The following EEPD1 variants were observed in gnomAD, a reference collection of about 807,000 sequenced individuals.
EEPD1 encodes the protein endonuclease/exonuclease/phosphatase family domain containing 1.
A neutral mutation model predicts 46.3 loss-of-function variants in EEPD1; 17 were observed. The observed-to-expected ratio is 0.37, with a 90% CI of 0.25 to 0.55. EEPD1 has a LOEUF of 0.55. Ranked by LOEUF, EEPD1 falls within the 20% of genes least tolerant of loss-of-function variation. The probability of loss-of-function intolerance (pLI) is 0.83; values close to 1 mark genes in which losing one functional copy is unlikely to be tolerated. For missense variants in EEPD1, 673 were observed against 745.6 expected, an observed-to-expected ratio of 0.90 and a Z score of 1.13; for synonymous variants, 313 against 315.6, an observed-to-expected ratio of 0.99 and a Z score of 0.09.
At chr7:36,237,293 G>GA (rs1177788084) in intron 2 of EEPD1, among the ~76,000 whole-genome samples, 1 of 152,202 alleles carries the variant, frequency 6.6e-6, no homozygotes, top group African/African-American at 2.4e-5. Flanking sequence ...CTTCATTCTT[G>GA]AAGTCAGCAA....
At chr7:36,175,796 G>A (rs1785166624) in intron 2 of EEPD1, among the ~76,000 whole-genome samples, 1 of 152,120 alleles carries the variant, frequency 6.6e-6, no homozygotes, top group African/African-American at 2.4e-5. Context: ...AAAGGTACAA[G>A]GAGCGGTGCC....
At chr7:36,183,958 G>T (rs1345802943) in intron 2 of EEPD1, among the ~76,000 whole-genome samples, 1 of 150,524 alleles carries the variant, frequency 6.6e-6, no homozygotes, top group Non-Finnish European at 1.5e-5. Flanking sequence ...TTTGTGGAAT[G>T]AATCTCAATA....
intron 3 of EEPD1, among the ~76,000 whole-genome samples, chr7:36,249,896 G>T (rs960487930): frequency 1.3e-5 from 2 of 152,096 alleles, no homozygotes; most frequent in Non-Finnish European, 2.9e-5. Context: ...CAAGAGGGAG[G>T]TCCTCACCTA....
chr7:36,272,143 G>A (rs989206239), intron 3 of EEPD1, among the ~76,000 whole-genome samples: 8 of 151,722 alleles, frequency 5.3e-5, no homozygotes, highest in Non-Finnish European at 7.4e-5. Context: ...TCAGCCTCCC[G>A]AAGTGCTAGG....
chr7:36,241,469 T>A (rs546935024), intron 3 of EEPD1, among the ~76,000 whole-genome samples: 2 of 151,320 alleles, frequency 1.3e-5, no homozygotes, highest in South Asian at 4.2e-4. Context: ...CGAGACTCTG[T>A]CTCAAAATAA....
chr7:36,207,920 C>T lies in EEPD1; in HGVS notation c.879-31065C>T, dbSNP rs1455088032. ...TTTTTTTTTTTTTTTTTAACCTAGA[C>T]AGGGAGCCAGTCTCTTGCCTTTGTT... On this transcript the variant is annotated intron_variant, in intron 2 of 7. Transcript: ENST00000242108. 3.0e-5 allele frequency among the ~76,000 whole-genome samples: 4 copies of T among 135,564 alleles called. No homozygotes were observed. In the East Asian group the frequency reaches 9.1e-4, roughly 31 times the overall value. 88.9% of individuals were successfully genotyped at this position (135,564 alleles called of 152,430 possible). A position where few individuals can be genotyped will look rare whatever the true frequency, so the allele number is the denominator to read the frequency against.
chr7:36,155,518 C>T (rs188715398), intron 2 of EEPD1, among the ~76,000 whole-genome samples: 266 of 152,256 alleles, frequency 1.7e-3, no homozygotes, highest in Non-Finnish European at 2.7e-3. Flanking sequence ...AAGTCAGGCA[C>T]TCAGAGCATG....
chr7:36,290,583 T>G (rs1322146328), intron 6 of EEPD1, among the ~76,000 whole-genome samples: 1 of 152,188 alleles, frequency 6.6e-6, no homozygotes, highest in Non-Finnish European at 1.5e-5. Context: ...TCTGCCTTTG[T>G]CTGGAACGTG....
At chr7:36,200,478 G>C (rs1785694602) in intron 2 of EEPD1, among the ~76,000 whole-genome samples, 2 of 152,070 alleles carry the variant, frequency 1.3e-5, no homozygotes, top group Admixed American at 6.5e-5. Context: ...AGATTTATGG[G>C]TATTTTCTCC....
At position 36,297,109 on chromosome 7, in the gene EEPD1, A is replaced by C. The variant is rs1298815459; in HGVS notation, c.1432A>C (p.Ile478Leu). The change falls in exon 7 of 8, where the codon ATC becomes CTC. Residue 478 changes from isoleucine (I) to leucine (L), a missense_variant. Coordinates refer to ENST00000242108, the MANE Select transcript of EEPD1 (RefSeq NM_030636.3). Reference protein sequence around the residue: ...HLIPAHTFTNISTKNPQGSKS... With the variant: ...HLIPAHTFTNLSTKNPQGSKS... Reference sequence around the variant, plus strand: ...GATCCCCGCGCACACCTTCACCAACATCAGCACCAAGAACCCTCAAGGCTC... The same window carrying C: ...GATCCCCGCGCACACCTTCACCAACCTCAGCACCAAGAACCCTCAAGGCTC... 4 of 1,614,106 alleles carry C rather than the reference A, an allele frequency of 2.5e-6. No homozygotes were observed. In the Admixed American group the frequency reaches 5.0e-5, roughly 20 times the overall value.
chr7:36,197,141 G>A (rs1315504578), intron 2 of EEPD1, among the ~76,000 whole-genome samples: 2 of 146,720 alleles, frequency 1.4e-5, no homozygotes, highest in Non-Finnish European at 1.5e-5. Flanking sequence ...CCTGGCAACC[G>A]CCCCGTCTGA....
In EEPD1 at chr7:36,297,087, C is replaced by G. The variant is rs2115905209; in HGVS notation, c.1410C>G (p.Ile470Met). The stretch of plus-strand genomic sequence containing the variant: ...GGAAAGAAAAGTTCCACCACCTGAT[C>G]CCCGCGCACACCTTCACCAACATCA... The part of the protein sequence containing the change: ...ILRKEKFHHL[I>M]PAHTFTNIST... Residue 470 changes from isoleucine to methionine, a missense_variant, in exon 7 of 8, where the codon ATC becomes ATG. Transcript: ENST00000242108. 3 of 1,614,226 alleles carry G rather than the reference C, an allele frequency of 1.9e-6. No individual in the cohort carries two copies. Among genetic ancestry groups the G allele is most frequent in the East Asian group, 4.5e-5 (2 of 44,888 alleles).
At chr7:36,286,439 C>G (rs1328139328) in intron 5 of EEPD1, among the ~76,000 whole-genome samples, 1 of 152,220 alleles carries the variant, frequency 6.6e-6, no homozygotes, top group Admixed American at 6.5e-5. Context: ...GGGGCTTCCC[C>G]TATACCCCTT....
At chr7:36,171,594 G>A (rs561381372) in intron 2 of EEPD1, among the ~76,000 whole-genome samples, 41 of 152,304 alleles carry the variant, frequency 2.7e-4, no homozygotes, top group African/African-American at 9.1e-4. Flanking sequence ...ATGTCTGTAC[G>A]TGTCTCCACC....
chr7:36,244,618 C>T (rs1786606477), intron 3 of EEPD1, among the ~76,000 whole-genome samples: 1 of 152,098 alleles, frequency 6.6e-6, no homozygotes, highest in African/African-American at 2.4e-5. Flanking sequence ...TTGGCAGAGC[C>T]GAGTTCTCCT....
At chr7:36,209,562 T>C (rs1785887142) in intron 2 of EEPD1, among the ~76,000 whole-genome samples, 1 of 152,176 alleles carries the variant, frequency 6.6e-6, no homozygotes, top group Non-Finnish European at 1.5e-5. Context: ...TTTCTGATCC[T>C]TTCCTGTAGC....
intron 2 of EEPD1, among the ~76,000 whole-genome samples, chr7:36,197,528 AAG>A (rs1785630337): frequency 6.6e-6 from 1 of 152,254 alleles, no homozygotes; most frequent in East Asian, 1.9e-4. Context: ...TCTGTGTAGA[AAG>A]AGGTAGACAT....
chr7:36,165,145 C>T (rs2115611863), intron 2 of EEPD1, among the ~76,000 whole-genome samples: 1 of 152,300 alleles, frequency 6.6e-6, no homozygotes, highest in South Asian at 2.1e-4. Context: ...TCACCACTCA[C>T]CCACTCACTC....
At chr7:36,209,217 T>C (rs1020873241) in intron 2 of EEPD1, among the ~76,000 whole-genome samples, 5 of 152,250 alleles carry the variant, frequency 3.3e-5, no homozygotes, top group African/African-American at 1.2e-4. Flanking sequence ...CATGTCTGTT[T>C]AACTTCAAGG....
Sources: gnomAD v4.1 joint callset for allele counts (sites outside exome capture counted in the v4.1 genomes callset) on GRCh38, gnomAD v4.1.1 for gene constraint, MANE v1.5 for transcripts, NCBI Gene and HGNC (gene_info 2026-07-23, HGNC 2026-07-21) for gene names.